The following IGF1R variants were observed in gnomAD, a reference collection of about 807,000 sequenced individuals.
IGF1R encodes the protein insulin-like growth factor 1 receptor.
A neutral mutation model predicts 144.6 loss-of-function variants in IGF1R; 44 were observed. That is an observed-to-expected ratio of 0.30 (90% confidence interval 0.24 to 0.39). IGF1R has a LOEUF of 0.39. IGF1R is among the 10% of genes least tolerant of loss of function. IGF1R has a pLI of 1.00. For missense variants in IGF1R, 1,355 were observed against 1,833.7 expected, an observed-to-expected ratio of 0.74 and a Z score of 4.77; for synonymous variants, 795 against 722.8, an observed-to-expected ratio of 1.10 and a Z score of -1.60.
At chr15:98,687,403 A>G (rs1055836012) in intron 1 of IGF1R, among the ~76,000 whole-genome samples, 3 of 152,216 alleles carry the variant, frequency 2.0e-5, no homozygotes, top group Admixed American at 2.0e-4. Flanking sequence ...CTTGGAGTTT[A>G]GAAACCTCAG....
chr15:98,724,123 G>A (rs2054307169), intron 2 of IGF1R, among the ~76,000 whole-genome samples: 1 of 152,160 alleles, frequency 6.6e-6, no homozygotes, highest in African/African-American at 2.4e-5. Context: ...TGTAAATGAG[G>A]AGACTTTTGA....
chr15:98,763,101 G>C (rs1244472454), intron 2 of IGF1R, among the ~76,000 whole-genome samples: 1 of 150,882 alleles, frequency 6.6e-6, no homozygotes, highest in African/African-American at 2.4e-5. Flanking sequence ...TAGTTTTTCT[G>C]TTACAGAGAT....
intron 1 of IGF1R, among the ~76,000 whole-genome samples, chr15:98,692,883 G>C (rs969731337): frequency 1.3e-5 from 2 of 152,134 alleles, no homozygotes. Context: ...AGATAGTAGG[G>C]GCCTCAGGGT....
chr15:98,941,995 C>T (rs2016382351), intron 18 of IGF1R, among the ~76,000 whole-genome samples: 1 of 152,136 alleles, frequency 6.6e-6, no homozygotes, highest in Non-Finnish European at 1.5e-5. Flanking sequence ...CTTCTGGAGA[C>T]ATGGAAAATG....
At chr15:98,868,088 C>A (rs188172503) in intron 2 of IGF1R, among the ~76,000 whole-genome samples, 1 of 152,010 alleles carries the variant, frequency 6.6e-6, no homozygotes, top group South Asian at 2.1e-4. Flanking sequence ...GTAATCCCAG[C>A]TACTCAGAGA....
intron 2 of IGF1R, among the ~76,000 whole-genome samples, chr15:98,846,579 G>T (rs1461076266): frequency 6.6e-6 from 1 of 152,198 alleles, no homozygotes; most frequent in East Asian, 1.9e-4. Context: ...CACGGTGATG[G>T]TAACAGAGGC....
At chr15:98,944,627 A>G (rs1203653209) in intron 19 of IGF1R, among the ~76,000 whole-genome samples, 1 of 152,260 alleles carries the variant, frequency 6.6e-6, no homozygotes, top group Non-Finnish European at 1.5e-5. Flanking sequence ...TAAATAGTTA[A>G]AAATCTAGAA....
chr15:98,855,437 C>T (rs1485862530), intron 2 of IGF1R, among the ~76,000 whole-genome samples: 1 of 152,228 alleles, frequency 6.6e-6, no homozygotes, highest in Non-Finnish European at 1.5e-5. Flanking sequence ...TGAGTTATTA[C>T]AAGCAGTGCT....
intron 2 of IGF1R, among the ~76,000 whole-genome samples, chr15:98,881,586 G>A (rs1355603768): frequency 6.6e-6 from 1 of 152,198 alleles, no homozygotes; most frequent in Non-Finnish European, 1.5e-5. Context: ...GCCTTCCAAA[G>A]TGCTGGGATT....
At position 98,793,731 on chromosome 15, in the gene IGF1R, G is replaced by A. The variant is rs1218573132; in HGVS notation, c.640+85624G>A. The stretch of plus-strand genomic sequence containing the variant: ...TCTTTTGCCTCAAATCCCTTTCACT[G>A]TTTTGACATGAATCTATAATTTATA... On this transcript the variant is annotated intron_variant, in intron 2 of 20. Transcript: ENST00000650285. Among the ~76,000 whole-genome samples, 7 of 152,120 alleles carry A rather than the reference G, an allele frequency of 4.6e-5. No homozygotes were observed. The South Asian group carries it at 1.2e-3, about 27-fold the overall frequency.
Position 98,703,649 on chromosome 15 carries a change from T to A in IGF1R, c.95-3913T>A, listed in dbSNP as rs116642011. Among the ~76,000 whole-genome samples the A allele has an allele frequency of 5.4e-3, 820 of 152,340 alleles. 5 individuals are homozygous for A. Among genetic ancestry groups the A allele is most frequent in the African/African-American group, 0.019 (793 of 41,570 alleles). ...GAAAAGTGTGAAGTATGGAGACTGCTCTTTCATTTGAAGGAAATTCACAGT... is the reference window on the plus strand; with the variant it reads ...GAAAAGTGTGAAGTATGGAGACTGCACTTTCATTTGAAGGAAATTCACAGT... On this transcript the variant is annotated intron_variant, in intron 1 of 20. Transcript: ENST00000650285.
intron 1 of IGF1R, among the ~76,000 whole-genome samples, chr15:98,663,731 C>T (rs1458424568): frequency 6.6e-6 from 1 of 152,192 alleles, no homozygotes; most frequent in East Asian, 1.9e-4. Context: ...GATGCAGTGG[C>T]CTTGGGCTTC....
chr15:98,963,723 C>CTTTG lies in IGF1R; in HGVS notation c.*6284_*6287dup, dbSNP rs1173185171. On this transcript the variant is annotated 3_prime_UTR_variant, in exon 21 of 21. Transcript: ENST00000650285. ...TGCCTCGTATCATGACTGATTACTG[C>CTTTG]TTTGTTAGAACACAGAAGAGACCCT... 2 of 233,078 alleles carry CTTTG rather than the reference C, an allele frequency of 8.6e-6. No homozygotes were observed. The highest frequency in any genetic ancestry group is 8.5e-6 in the Non-Finnish European group (1 of 117,992). The allele number at this position is 233,078 out of a possible 1,614,324, so 14.4% of individuals were successfully genotyped here. A position where few individuals can be genotyped will look rare whatever the true frequency, so the allele number is the denominator to read the frequency against.
intron 8 of IGF1R, among the ~76,000 whole-genome samples, chr15:98,914,783 G>A (rs1184904626): frequency 6.6e-6 from 1 of 152,188 alleles, no homozygotes; most frequent in African/African-American, 2.4e-5. Flanking sequence ...ACACGCAGCG[G>A]AGACAGACGA....
intron 1 of IGF1R, among the ~76,000 whole-genome samples, chr15:98,664,411 T>A (rs1255114001): frequency 6.6e-6 from 1 of 152,110 alleles, no homozygotes; most frequent in Non-Finnish European, 1.5e-5. Context: ...ATGCCTGTAA[T>A]CCCAGCACTT....
At chr15:98,921,424 A>G (rs2015481015) in intron 10 of IGF1R, among the ~76,000 whole-genome samples, 1 of 152,154 alleles carries the variant, frequency 6.6e-6, no homozygotes, top group Non-Finnish European at 1.5e-5. Flanking sequence ...TCCAAGCCCC[A>G]TTCAAATCCA....
chr15:98,730,555 G>A (rs1176975494), intron 2 of IGF1R, among the ~76,000 whole-genome samples: 1 of 152,182 alleles, frequency 6.6e-6, no homozygotes, highest in Non-Finnish European at 1.5e-5. Context: ...GTTGGCCTCT[G>A]AGGTCAGCCT....
chr15:98,865,194 A>G (rs985700237), intron 2 of IGF1R, among the ~76,000 whole-genome samples: 1 of 152,198 alleles, frequency 6.6e-6, no homozygotes, highest in Admixed American at 6.5e-5. Flanking sequence ...AGAATTCACA[A>G]TATCATGCAC....
chr15:98,816,982 C>G (rs1169091988), intron 2 of IGF1R, among the ~76,000 whole-genome samples: 2 of 152,212 alleles, frequency 1.3e-5, no homozygotes, highest in Non-Finnish European at 2.9e-5. Flanking sequence ...GGTGCTCTGT[C>G]TGCTCCAGCA....
Sources: allele counts gnomAD v4.1 joint callset (sites outside exome capture counted in the v4.1 genomes callset), GRCh38; gene constraint gnomAD v4.1.1; transcripts MANE v1.5; gene names NCBI Gene and HGNC (gene_info 2026-07-23, HGNC 2026-07-21).